CACNA2D3: variants seen among roughly 807,000 people sequenced by gnomAD.
CACNA2D3 encodes voltage-dependent calcium channel subunit alpha-2/delta-3.
CACNA2D3 carries 60 observed loss-of-function variants against 160.6 expected under a neutral mutation model. That is an observed-to-expected ratio of 0.37 (90% CI 0.30 to 0.46). The LOEUF (loss-of-function observed/expected upper bound fraction) is 0.46, where lower values mean the gene tolerates loss of function less well. Among genes scored for constraint, CACNA2D3 ranks in the 20% least tolerant of loss-of-function variants. CACNA2D3 has a pLI of 1.00. For missense variants in CACNA2D3, 1,205 were observed against 1,365.0 expected, an observed-to-expected ratio of 0.88 and a Z score of 1.85; for synonymous variants, 558 against 492.9, an observed-to-expected ratio of 1.13 and a Z score of -1.75.
intron 6 of CACNA2D3, among the ~76,000 whole-genome samples, chr3:54,565,558 C>G (rs1702396368): frequency 6.6e-6 from 1 of 152,174 alleles, no homozygotes; most frequent in African/African-American, 2.4e-5. Flanking sequence ...TGTATCCTAT[C>G]TAATATCACT....
chr3:54,522,179 A>G (rs1478715794), intron 5 of CACNA2D3, among the ~76,000 whole-genome samples: 1 of 151,972 alleles, frequency 6.6e-6, no homozygotes, highest in East Asian at 1.9e-4. Context: ...TGAATATGAG[A>G]TATATTTTTT....
chr3:55,025,139 G>C (rs1703538473), intron 35 of CACNA2D3, among the ~76,000 whole-genome samples: 1 of 152,180 alleles, frequency 6.6e-6, no homozygotes, highest in African/African-American at 2.4e-5. Flanking sequence ...GACATTGCTA[G>C]AGCAAGCAGT....
At chr3:54,214,834 C>T (rs758782289) in intron 2 of CACNA2D3, among the ~76,000 whole-genome samples, 1 of 152,204 alleles carries the variant, frequency 6.6e-6, no homozygotes, top group Non-Finnish European at 1.5e-5. Context: ...GAGACGTGCT[C>T]ACCATGGTTC....
At chr3:54,973,885 C>T (rs1354847162) in intron 29 of CACNA2D3, among the ~76,000 whole-genome samples, 1 of 152,172 alleles carries the variant, frequency 6.6e-6, no homozygotes, top group Non-Finnish European at 1.5e-5. Context: ...ATCATGAGAC[C>T]TGGAGAAAAG....
intron 2 of CACNA2D3, among the ~76,000 whole-genome samples, chr3:54,180,756 T>C (rs1411994837): frequency 6.6e-6 from 1 of 152,250 alleles, no homozygotes; most frequent in Non-Finnish European, 1.5e-5. Flanking sequence ...GTTGCCCTGC[T>C]GATATCCTGG....
chr3:54,934,332 G>A (rs934812553), intron 27 of CACNA2D3, among the ~76,000 whole-genome samples: 5 of 152,164 alleles, frequency 3.3e-5, no homozygotes, highest in Non-Finnish European at 7.4e-5. Flanking sequence ...TCCCTCTTGA[G>A]CCGTTCAGTG....
intron 11 of CACNA2D3, among the ~76,000 whole-genome samples, chr3:54,685,411 C>G (rs902504037): frequency 6.6e-6 from 1 of 152,172 alleles, no homozygotes. Flanking sequence ...TCCAATAAAA[C>G]TTTATTTGCA....
chr3:54,242,477 A>G (rs1224683338), intron 2 of CACNA2D3, among the ~76,000 whole-genome samples: 3 of 152,154 alleles, frequency 2.0e-5, no homozygotes, highest in South Asian at 2.1e-4. Flanking sequence ...TAAAATAAAT[A>G]GAATAAAATA....
rs569300903 is a variant in CACNA2D3, at chr3:54,357,377, G to C, written c.322-29338G>C. On this transcript the variant is annotated intron_variant, in intron 3 of 37. Coordinates refer to ENST00000474759, the MANE Select transcript of CACNA2D3 (RefSeq NM_018398.3). ...CCAAAAAGCTGTCATAAATTGATGT[G>C]ATCACATTCACATCTTTTATTGAAA... Among the ~76,000 whole-genome samples the C allele has an allele frequency of 3.9e-5, 6 of 152,294 alleles. No individual in the cohort carries two copies. In the South Asian group the frequency reaches 1.2e-3, roughly 32 times the overall value.
chr3:54,155,089 TG>T (rs1700222690), intron 2 of CACNA2D3, among the ~76,000 whole-genome samples: 1 of 152,252 alleles, frequency 6.6e-6, no homozygotes, highest in African/African-American at 2.4e-5. Flanking sequence ...GTTTGCCTGC[TG>T]ATGGCCATTA....
chr3:54,536,041 G>T (rs985095373), intron 5 of CACNA2D3, among the ~76,000 whole-genome samples: 1 of 152,246 alleles, frequency 6.6e-6, no homozygotes, highest in African/African-American at 2.4e-5. Context: ...ATTTAGACGT[G>T]ACTGTTAGTG....
At chr3:54,367,612 A>G (rs1698849287) in intron 3 of CACNA2D3, 3 of 371,008 alleles carry the variant, frequency 8.1e-6, no homozygotes, top group African/African-American at 2.2e-5. Flanking sequence ...ACAGCCTTAC[A>G]GGGGCTTGAA....
chr3:54,971,668 A>G (rs1702278574), intron 29 of CACNA2D3, among the ~76,000 whole-genome samples: 2 of 152,222 alleles, frequency 1.3e-5, no homozygotes, highest in African/African-American at 4.8e-5. Context: ...GTGCATCCTT[A>G]TATAAAAACA....
At chr3:54,600,158 T>G (rs1380029167) in intron 9 of CACNA2D3, among the ~76,000 whole-genome samples, 1 of 152,128 alleles carries the variant, frequency 6.6e-6, no homozygotes, top group African/African-American at 2.4e-5. Context: ...TTCATGGGGT[T>G]GGGGGAGATG....
chr3:54,862,899 A>G (rs1443253457), intron 17 of CACNA2D3, among the ~76,000 whole-genome samples: 5 of 152,226 alleles, frequency 3.3e-5, no homozygotes, highest in Admixed American at 6.5e-5. Flanking sequence ...ACTAGAATCA[A>G]TTAGTTGTCC....
intron 5 of CACNA2D3, among the ~76,000 whole-genome samples, chr3:54,530,916 G>A (rs2106640540): frequency 6.6e-6 from 1 of 152,298 alleles, no homozygotes; most frequent in East Asian, 1.9e-4. Flanking sequence ...ACTGAGACCG[G>A]CCTAGCTGTT....
At chr3:54,721,364 T>G (rs956219074) in intron 11 of CACNA2D3, among the ~76,000 whole-genome samples, 2 of 152,244 alleles carry the variant, frequency 1.3e-5, no homozygotes, top group African/African-American at 4.8e-5. Flanking sequence ...TAAATTCTGC[T>G]GATAAATGTG....
At chr3:54,745,292 C>T (rs1701733901) in intron 11 of CACNA2D3, among the ~76,000 whole-genome samples, 1 of 152,078 alleles carries the variant, frequency 6.6e-6, no homozygotes, top group African/African-American at 2.4e-5. Flanking sequence ...GGGGCTGCCC[C>T]GAGTTGTCTG....
intron 2 of CACNA2D3, among the ~76,000 whole-genome samples, chr3:54,133,078 T>C (rs1427688662): frequency 6.6e-6 from 1 of 152,002 alleles, no homozygotes; most frequent in Non-Finnish European, 1.5e-5. Context: ...ACTTGAGGGG[T>C]TGTTAATGCC....
Sources: allele counts gnomAD v4.1 joint callset (sites outside exome capture counted in the v4.1 genomes callset), GRCh38; gene constraint gnomAD v4.1.1; transcripts MANE v1.5; gene names NCBI Gene and HGNC (gene_info 2026-07-23, HGNC 2026-07-21).